Variants in NOS3 observed in about 807,000 individuals in gnomAD.
NOS3 encodes the protein NOS type III.
A neutral mutation model predicts 144.9 loss-of-function variants in NOS3; 98 were observed. That is an observed-to-expected ratio of 0.68 (90% CI 0.57 to 0.80). The LOEUF (loss-of-function observed/expected upper bound fraction) is 0.80, where lower values mean the gene tolerates loss of function less well. Ranked by LOEUF, NOS3 falls within the 30% of genes least tolerant of loss-of-function variation. NOS3 has a pLI of 0.00. For missense variants in NOS3, 1,465 were observed against 1,656.4 expected (o/e 0.88, Z 2.01); for synonymous variants, 714 against 702.4 (o/e 1.02, Z -0.26).
At chr7:151,000,451 C>T (rs201400058) in intron 9 of NOS3, 47 bp from the exon 10 acceptor site, 20 of 1,209,724 alleles carry the variant, frequency 1.7e-5, no homozygotes, top group Non-Finnish European at 2.0e-5. Flanking sequence ...ACCCCACCCC[C>T]GTGATCACCT....
intron 21 of NOS3, 103 bp downstream of exon 21, chr7:151,010,390 T>C: frequency 3.3e-6 from 4 of 1,219,998 alleles, no homozygotes; most frequent in Non-Finnish European, 4.6e-6. Flanking sequence ...CTGGACTTTC[T>C]TCTCCTGGCC....
At position 151,003,142 on chromosome 7, in the gene NOS3, T is replaced by C. The variant is rs752542004; in HGVS notation, c.1752+838T>C. ...TCAGTACTCTTTTTTCTTTTTTCCT[T>C]TGAGACAGGGTCTCACTTTGTGGCC... On this transcript the variant is annotated intron_variant, in intron 14 of 26. Coordinates refer to ENST00000297494, the MANE Select transcript of NOS3 (RefSeq NM_000603.5). This position sits in a 1 kb window ranked among gnomAD's most constrained non-coding sequence, Gnocchi z 4.1. 4.4e-6 allele frequency: 2 copies of C among 453,252 alleles called. No individual in the cohort carries two copies. Among genetic ancestry groups the C allele is most frequent in the South Asian group, 1.6e-5 (1 of 64,242 alleles). The allele number at this position is 453,252 out of a possible 1,614,324, so 28.1% of individuals were successfully genotyped here.
chr7:151,002,383 AACACACACACACACACAC>A lies in NOS3; in HGVS notation c.1752+132_1752+149del, dbSNP rs3138808. 0.019 allele frequency: 5,128 copies of A among 270,752 alleles called. 149 individuals carry two copies. The highest frequency in any genetic ancestry group is 0.075 in the African/African-American group (1,846 of 24,490). The allele number at this position is 270,752 out of a possible 1,614,324, so 16.8% of individuals were successfully genotyped here. On this transcript the variant is annotated intron_variant, in intron 14 of 26. Coordinates refer to ENST00000297494, the MANE Select transcript of NOS3 (RefSeq NM_000603.5). This position sits in a 1 kb window ranked among gnomAD's most constrained non-coding sequence, Gnocchi z 4.1. ...AGTGACTGGGCAGGAACCTCTGCCC[AACACACACACACACACAC>A]ACACACACACACACACACACACACA...
intron 5 of NOS3, among the ~76,000 whole-genome samples, 184 bp downstream of exon 5, chr7:150,997,109 C>A (rs1056945741): frequency 1.3e-5 from 2 of 152,150 alleles, no homozygotes; most frequent in East Asian, 3.9e-4. Context: ...GGAACCTCAG[C>A]CCAGTAGTGA....
chr7:151,001,787 A>T, intron 12 of NOS3, 34 bp from the exon 13 acceptor site: 1 of 1,613,030 alleles, frequency 6.2e-7, no homozygotes, highest in Non-Finnish European at 8.5e-7. Flanking sequence ...GCCTCTGTGC[A>T]CCCAGGACAC....
At chr7:151,008,045 A>C (rs1048043207) in intron 17 of NOS3, among the ~76,000 whole-genome samples, 1 of 152,206 alleles carries the variant, frequency 6.6e-6, no homozygotes, top group East Asian at 1.9e-4. Flanking sequence ...ATTGGGAAGA[A>C]GGGAACGGAA....
intron 2 of NOS3, among the ~76,000 whole-genome samples, chr7:150,994,800 G>A (rs971484227): frequency 3.3e-5 from 5 of 152,318 alleles, no homozygotes; most frequent in South Asian, 4.1e-4. Context: ...GTCAGGAGGG[G>A]TTGTGAGTGC....
rs546095442 is a variant in NOS3 at position 150,993,585 on chromosome 7, G to A, written c.-51-168G>A. 2.6e-5 allele frequency among the ~76,000 whole-genome samples: 4 copies of A among 152,246 alleles called. No individual in the cohort carries two copies. The highest frequency in any genetic ancestry group is 4.1e-4 in the South Asian group (2 of 4,832). On this transcript the variant is annotated intron_variant, in intron 1 of 26. Coordinates refer to ENST00000297494, the MANE Select transcript of NOS3 (RefSeq NM_000603.5). This position sits in a 1 kb window ranked among gnomAD's most constrained non-coding sequence, Gnocchi z 4.0. ...TCAGTCCTCACAGCGGAACCCAGGC[G>A]TCCGGCCCCCCACCCTTCAGGCCAG...
In NOS3 at chr7:150,998,398, C is replaced by A. The variant is rs1282115463; in HGVS notation, c.624C>A (p.Phe208Leu). Residue 208 changes from phenylalanine to leucine, a missense_variant, in exon 6 of 27, where the codon TTC (phenylalanine) becomes TTA (leucine). Transcript: ENST00000297494. The surrounding 1 kb of genome is among the most constrained non-coding windows in gnomAD (Gnocchi z 5.0). ...ACTGCAGGTCTGCACAGGAAATGTT[C>A]ACCTACATCTGCAACCACATCAAGT... The part of the protein sequence containing the change: ...ARDCRSAQEM[F>L]TYICNHIKYA... 21 of 1,612,410 alleles carry A rather than the reference C, an allele frequency of 1.3e-5. No homozygotes were observed. Among genetic ancestry groups the A allele is most frequent in the Non-Finnish European group, 1.7e-5 (20 of 1,179,874 alleles).
At chr7:151,011,034 G>A in intron 23 of NOS3, 48 bp downstream of exon 23, 1 of 1,403,788 alleles carries the variant, frequency 7.1e-7, no homozygotes, top group Non-Finnish European at 1.0e-6. Context: ...GGTCAGGGTG[G>A]CAGCTTTGGT....
Position 151,001,222 on chromosome 7 carries a change from C to G in NOS3, c.1234-9C>G. 6.2e-7 allele frequency: 1 copy of G among 1,612,292 alleles called. No individual in the cohort carries two copies. The highest frequency in any genetic ancestry group is 1.1e-5 in the South Asian group (1 of 91,070). On this transcript the variant is annotated splice_polypyrimidine_tract_variant and intron_variant, in intron 10 of 26. Coordinates refer to ENST00000297494, the MANE Select transcript of NOS3 (RefSeq NM_000603.5). Reference sequence around the variant, plus strand: ...GGTTTGAGCCTCTCCCCCTCTCTCTCCCTTCCAGCTAGCCAAAGTCACCAT... The same window carrying G: ...GGTTTGAGCCTCTCCCCCTCTCTCTGCCTTCCAGCTAGCCAAAGTCACCAT...
At position 150,991,316 on chromosome 7, in the gene NOS3, G is replaced by A. The variant is rs929707361; in HGVS notation, c.-52+16G>A. ...TCTGCAGCAGGTACCTGCTCTCTAA[G>A]AGGGAGGCCTGGGTGGTGCACCTCC... On this transcript the variant is annotated intron_variant, in intron 1 of 26. Transcript: ENST00000297494. 1.3e-5 allele frequency: 2 copies of A among 152,280 alleles called. No homozygotes were observed. Among genetic ancestry groups the A allele is most frequent in the African/African-American group, 2.4e-5 (1 of 41,450 alleles). 9.4% of individuals were successfully genotyped at this position (152,280 alleles called of 1,614,324 possible).
At chr7:151,008,633 G>T in intron 17 of NOS3, among the ~76,000 whole-genome samples, 1 of 152,186 alleles carries the variant, frequency 6.6e-6, no homozygotes, top group East Asian at 1.9e-4. Context: ...ACACACAGAC[G>T]CCTTCACAGA....
chr7:151,007,071 G>T, intron 16 of NOS3, 31 bp from the exon 17 acceptor site: 1 of 1,614,082 alleles, frequency 6.2e-7, no homozygotes, highest in Non-Finnish European at 8.5e-7. Context: ...GGCCTGCAAA[G>T]GGAGCTCCAC....
chr7:151,006,777 G>C, intron 15 of NOS3, 112 bp from the exon 16 acceptor site: 7 of 891,420 alleles, frequency 7.9e-6, no homozygotes, highest in Non-Finnish European at 1.1e-5. Flanking sequence ...CAAGGGCAGG[G>C]CCTTTCCTGT....
In NOS3 at chr7:151,006,464, A is replaced by G; in HGVS notation, c.1790A>G (p.Tyr597Cys). The change falls in exon 15 of 27, where the codon TAC becomes TGC. Residue 597 changes from tyrosine to cysteine, a missense_variant. By Grantham distance (194) the Tyr-to-Cys change is radical. This residue lies in a region of NOS3 where 745 missense variants were observed against 853.9 expected (regional missense o/e 0.87). Coordinates refer to ENST00000297494, the MANE Select transcript of NOS3 (RefSeq NM_000603.5). The part of the protein sequence containing the change: ...AAALMEMSGP[Y>C]NSSPRPEQHK... ...GCCCTGATGGAGATGTCCGGCCCCT[A>G]CAACAGCTCCCCTCGGCCGGAACAG... 1 of 1,613,892 alleles carries G rather than the reference A, an allele frequency of 6.2e-7. No homozygotes were observed. The highest frequency in any genetic ancestry group is 8.5e-7 in the Non-Finnish European group (1 of 1,179,952).
intron 2 of NOS3, among the ~76,000 whole-genome samples, 193 bp downstream of exon 2, chr7:150,994,154 G>A (rs181923512): frequency 3.5e-4 from 53 of 152,354 alleles, no homozygotes; most frequent in African/African-American, 1.3e-3. Flanking sequence ...GTCGGCAGGT[G>A]AAAGCTGGGA....
rs768148055 is a variant in NOS3 at position 151,013,822 on chromosome 7, C to G, written c.3354C>G (p.Thr1118=). ...ACATGTTTGTCTGCGGCGATGTTAC[C>G]ATGGCAACCAACGTCCTGCAGACCG... The part of the protein sequence containing the change: ...RGHMFVCGDV[T]MATNVLQTVQ... Residue 1118 remains threonine, a synonymous_variant, in exon 26 of 27, where the codon ACC becomes ACG. Coordinates refer to ENST00000297494, the MANE Select transcript of NOS3 (RefSeq NM_000603.5). 6.2e-7 allele frequency: 1 copy of G among 1,609,216 alleles called. No homozygotes were observed. Among genetic ancestry groups the G allele is most frequent in the African/African-American group, 1.3e-5 (1 of 74,898 alleles).
At position 151,014,428 on chromosome 7, in the gene NOS3, C is replaced by G; in HGVS notation, c.*259C>G. On this transcript the variant is annotated 3_prime_UTR_variant, in exon 27 of 27. Transcript: ENST00000297494. Reference sequence around the variant, plus strand: ...CGGTACCCCAGGGCCTACTGCCACCCGCTTCCTGTTTCTTAGTCGAATGTT... The same window carrying G: ...CGGTACCCCAGGGCCTACTGCCACCGGCTTCCTGTTTCTTAGTCGAATGTT... 1 of 465,842 alleles carries G rather than the reference C, an allele frequency of 2.1e-6. No individual in the cohort carries two copies. Among genetic ancestry groups the G allele is most frequent in the African/African-American group, 2.0e-5 (1 of 50,778 alleles). The allele number at this position is 465,842 out of a possible 1,614,324, so 28.9% of individuals were successfully genotyped here.
Sources: gnomAD v4.1 joint callset for allele counts (sites outside exome capture counted in the v4.1 genomes callset) on GRCh38, gnomAD v4.1.1 for gene constraint, gnomAD v4.1.1 regional missense constraint, Gnocchi (gnomAD v3.1) non-coding constraint, MANE v1.5 for transcripts, NCBI Gene and HGNC (gene_info 2026-07-23, HGNC 2026-07-21) for gene names.